The following ADAM19 variants were observed in gnomAD, a reference collection of about 807,000 sequenced individuals.
ADAM19 encodes ADAM metallopeptidase domain 19, also known as disintegrin and metalloproteinase domain-containing protein 19.
A neutral mutation model predicts 114.7 loss-of-function variants in ADAM19; 65 were observed. The ratio of observed to expected loss-of-function variants is 0.57; its 90% CI spans 0.46 to 0.70. The LOEUF (loss-of-function observed/expected upper bound fraction) is 0.70. Among genes scored for constraint, ADAM19 ranks in the 30% least tolerant of loss-of-function variants. The probability of loss-of-function intolerance (pLI) is 0.00; values close to 1 mark genes in which losing one functional copy is unlikely to be tolerated. For synonymous variants in ADAM19, 466 were observed against 460.5 expected, an observed-to-expected ratio of 1.01 and a Z score of -0.15; for missense variants, 1,063 against 1,204.7, an observed-to-expected ratio of 0.88 and a Z score of 1.74.
In ADAM19 at chr5:157,509,403, A is replaced by G. The variant is rs1755844381; in HGVS notation, c.803T>C (p.Met268Thr). 1.9e-6 allele frequency: 3 copies of G among 1,613,476 alleles called. No homozygotes were observed. Among genetic ancestry groups the G allele is most frequent in the African/African-American group, 1.3e-5 (1 of 74,938 alleles). The change falls in exon 9 of 23, where the codon ATG (methionine) becomes ACG (threonine). Residue 268 changes from methionine (M) to threonine (T), a missense_variant. Transcript: ENST00000257527. Reference sequence around the variant, plus strand: ...ATATGGATTCTCTGAAACTTCACACATGTTCCCGTGGGTCCACACTTCCAA... The same window carrying G: ...ATATGGATTCTCTGAAACTTCACACGTGTTCCCGTGGGTCCACACTTCCAA... ...VGLEVWTHGN[M>T]CEVSENPYST...
chr5:157,488,526 A>G (rs770531152), intron 20 of ADAM19, 37 bp from the exon 21 acceptor site: 1 of 1,493,168 alleles, frequency 6.7e-7, no homozygotes, highest in South Asian at 1.3e-5. Context: ...GAGACAAGAA[A>G]TCACTCAGGG....
At chr5:157,549,781 T>C (rs1757139018) in intron 3 of ADAM19, among the ~76,000 whole-genome samples, 1 of 152,210 alleles carries the variant, frequency 6.6e-6, no homozygotes, top group African/African-American at 2.4e-5. Flanking sequence ...GGATTCTACA[T>C]AGAGGTGCTC....
Position 157,520,543 on chromosome 5 carries a change from C to G in ADAM19, c.408-512G>C, listed in dbSNP as rs111773544. 4.4e-3 allele frequency among the ~76,000 whole-genome samples: 673 copies of G among 152,324 alleles called. 6 individuals carry two copies. The highest frequency in any genetic ancestry group is 0.015 in the African/African-American group (634 of 41,570). Reference sequence around the variant, plus strand: ...GCCTGCAAGTGAGGTGACCGAGGTTCTGGATTTAGCTCCAACATTCAATTG... The same window carrying G: ...GCCTGCAAGTGAGGTGACCGAGGTTGTGGATTTAGCTCCAACATTCAATTG... On this transcript the variant is annotated intron_variant, in intron 5 of 22. Coordinates refer to ENST00000257527, the MANE Select transcript of ADAM19 (RefSeq NM_033274.5).
intron 5 of ADAM19, among the ~76,000 whole-genome samples, chr5:157,527,698 G>A (rs1442401207): frequency 6.6e-6 from 1 of 152,140 alleles, no homozygotes; most frequent in East Asian, 1.9e-4. Context: ...ACATATCTAC[G>A]TTCTTTTTTC....
intron 2 of ADAM19, among the ~76,000 whole-genome samples, chr5:157,565,701 A>G (rs953228617): frequency 1.5e-5 from 2 of 136,110 alleles, no homozygotes; most frequent in African/African-American, 2.8e-5. Flanking sequence ...AGAGCGAGAC[A>G]CTCTCTCTCA....
chr5:157,530,817 G>A lies in ADAM19; in HGVS notation c.397C>T (p.Arg133Ter), dbSNP rs1307114017. The A allele has an allele frequency of 1.4e-5, 22 of 1,613,886 alleles. No individual in the cohort carries two copies. The highest frequency in any genetic ancestry group is 2.7e-5 in the African/African-American group (2 of 74,868). The change falls in exon 5 of 23, where the codon CGA becomes TGA. Residue 133 changes from arginine to a stop codon, truncating the protein, a stop_gained. Transcript: ENST00000257527. LOFTEE classifies it high-confidence loss of function. ...CTCAGGGTCTCTTACCTAATTCCTCGGCAAGTGCTGAGCGTGACGCTGGAC... is the reference window on the plus strand; with the variant it reads ...CTCAGGGTCTCTTACCTAATTCCTCAGCAAGTGCTGAGCGTGACGCTGGAC... ...ELSSVTLSTC[R>*]GIRGLITVSS...
chr5:157,537,965 T>G lies in ADAM19; in HGVS notation c.278A>C (p.Glu93Ala). Residue 93 changes from glutamate to alanine, a missense_variant, in exon 4 of 23, where the codon GAA becomes GCA. Physicochemically the swap from Glu to Ala is moderately radical, Grantham distance 107. Around this residue, in one of 3 missense-constraint regions of ADAM19, gnomAD observed 615 missense variants for 706.3 expected, o/e 0.87. Transcript: ENST00000257527. ...NEQLFAPSYTETHYTSSGNPQ... is the reference protein window; with the variant it reads ...NEQLFAPSYTATHYTSSGNPQ... ...GTTACCACTTGAAGTATAATGGGTT[T>G]CTGTGTAGGAAGGAGCAAAAAGTTG... 1 of 1,614,110 alleles carries G rather than the reference T, an allele frequency of 6.2e-7. No individual in the cohort carries two copies. Among genetic ancestry groups the G allele is most frequent in the Non-Finnish European group, 8.5e-7 (1 of 1,180,012 alleles).
At chr5:157,551,412 C>CAAAAAAAAAAAA (rs58612508) in intron 3 of ADAM19, among the ~76,000 whole-genome samples, 1 of 118,262 alleles carries the variant, frequency 8.5e-6, no homozygotes, top group Non-Finnish European at 1.7e-5. Flanking sequence ...CCCCCAACCC[C>CAAAAAAAAAAAA]AAAAAAAAAA....
chr5:157,539,222 A>G (rs1756849629), intron 3 of ADAM19, among the ~76,000 whole-genome samples: 1 of 152,062 alleles, frequency 6.6e-6, no homozygotes, highest in African/African-American at 2.4e-5. Flanking sequence ...CAGGGGTTGC[A>G]GAAGATGTTT....
intron 21 of ADAM19, 47 bp downstream of exon 21, chr5:157,488,218 C>T (rs1012497199): frequency 1.9e-6 from 3 of 1,571,042 alleles, no homozygotes; most frequent in African/African-American, 1.3e-5. Context: ...TTGAAAGTGG[C>T]CTTAAAAGCA....
At chr5:157,524,853 C>T (rs1756409462) in intron 5 of ADAM19, among the ~76,000 whole-genome samples, 1 of 152,192 alleles carries the variant, frequency 6.6e-6, no homozygotes, top group Admixed American at 6.5e-5. Context: ...ACCAAAGCAG[C>T]ATTTTAAAAG....
At chr5:157,549,777 T>C (rs1442134329) in intron 3 of ADAM19, among the ~76,000 whole-genome samples, 1 of 152,238 alleles carries the variant, frequency 6.6e-6, no homozygotes, top group Non-Finnish European at 1.5e-5. Flanking sequence ...CACAGGATTC[T>C]ACATAGAGGT....
In ADAM19 at chr5:157,481,847, G is replaced by A. The variant is rs147465765; in HGVS notation, c.2647C>T (p.Arg883Trp). The A allele has an allele frequency of 1.2e-4, 194 of 1,587,118 alleles. No homozygotes were observed. The African/African-American group carries it at 1.6e-3, about 13-fold the overall frequency. The change falls in exon 22 of 23, where the codon CGG (arginine) becomes TGG (tryptophan). Residue 883 changes from arginine (R) to tryptophan (W), a missense_variant. This residue lies in a region of ADAM19 where 424 missense variants were observed against 445.5 expected (regional missense o/e 0.95). Coordinates refer to ENST00000257527, the MANE Select transcript of ADAM19 (RefSeq NM_033274.5). ...TGCTGAGGGCCAGCACCAGGGGGCC[G>A]CAGTGGGGATGCACCTCCTGGCCTG... is the stretch of plus-strand genomic sequence containing the variant. ...LPRPGGASPL[R>W]PPGAGPQQSR...
chr5:157,566,711 G>A (rs1245272730), intron 2 of ADAM19: 2 of 152,058 alleles, frequency 1.3e-5, no homozygotes, highest in Admixed American at 6.6e-5. Flanking sequence ...TTTGAGACGG[G>A]GTCTTGCTTT....
At chr5:157,520,649 A>G (rs1756259315) in intron 5 of ADAM19, among the ~76,000 whole-genome samples, 1 of 152,214 alleles carries the variant, frequency 6.6e-6, no homozygotes, top group Non-Finnish European at 1.5e-5. Context: ...TAACTTATCA[A>G]GACTACTGGA....
intron 8 of ADAM19, among the ~76,000 whole-genome samples, chr5:157,511,423 T>C (rs1248919347): frequency 1.3e-5 from 2 of 152,158 alleles, no homozygotes; most frequent in African/African-American, 2.4e-5. Flanking sequence ...CAGAGCCTAT[T>C]TGTGACCCTT....
Position 157,509,460 on chromosome 5 carries a change from C to T in ADAM19, c.746G>A (p.Arg249Gln), listed in dbSNP as rs770714695. 22 of 1,588,612 alleles carry T rather than the reference C, an allele frequency of 1.4e-5. 1 individual carries two copies. The highest frequency in any genetic ancestry group is 2.3e-5 in the South Asian group (2 of 86,408). ...GAGAGCAATCCGGATGTTCAAGGATCGGTAAAACTGAAAGGACACAGAAAA... is the reference window on the plus strand; with the variant it reads ...GAGAGCAATCCGGATGTTCAAGGATTGGTAAAACTGAAAGGACACAGAAAA... ...EIANYVDKFY[R>Q]SLNIRIALVG... Residue 249 changes from arginine (R) to glutamine (Q), a missense_variant, in exon 9 of 23, where the codon CGA (arginine) becomes CAA (glutamine). Physicochemically the swap from Arg to Gln is conservative, Grantham distance 43. Coordinates refer to ENST00000257527, the MANE Select transcript of ADAM19 (RefSeq NM_033274.5).
chr5:157,507,430 A>G (rs1287663012), intron 9 of ADAM19, among the ~76,000 whole-genome samples: 1 of 152,250 alleles, frequency 6.6e-6, no homozygotes, highest in Non-Finnish European at 1.5e-5. Context: ...GGAAATGGGC[A>G]GGGTTTGCAA....
intron 12 of ADAM19, among the ~76,000 whole-genome samples, chr5:157,501,864 T>C (rs1306344928): frequency 6.6e-6 from 1 of 151,562 alleles, no homozygotes; most frequent in Non-Finnish European, 1.5e-5. Context: ...GCCTGGTCAA[T>C]GTAGCAAAAC....
Sources: allele counts gnomAD v4.1 joint callset (sites outside exome capture counted in the v4.1 genomes callset), GRCh38; gene constraint gnomAD v4.1.1; regional missense constraint gnomAD v4.1.1; transcripts MANE v1.5; gene names NCBI Gene and HGNC (gene_info 2026-07-23, HGNC 2026-07-21).